MYO18B: variants seen among roughly 807,000 people sequenced by gnomAD.
The protein encoded by MYO18B is unconventional myosin-XVIIIb.
MYO18B carries 204 observed loss-of-function variants against 273.0 expected under a neutral mutation model. The ratio of observed to expected loss-of-function variants is 0.75; its 90% confidence interval spans 0.67 to 0.84. The LOEUF (loss-of-function observed/expected upper bound fraction) is 0.84. Ranked by LOEUF, MYO18B falls within the 40% of genes least tolerant of loss-of-function variation. The pLI is 0.00. For missense variants in MYO18B, 3,212 were observed against 3,287.6 expected (o/e 0.98, Z 0.56); for synonymous variants, 1,330 against 1,305.7 (o/e 1.02, Z -0.40).
chr22:25,962,166 T>C (rs572918676), intron 39 of MYO18B, among the ~76,000 whole-genome samples: 2 of 152,348 alleles, frequency 1.3e-5, no homozygotes, highest in South Asian at 4.1e-4. Context: ...TGTTACTCCT[T>C]GATTCACCGC....
chr22:25,757,016 G>A lies in MYO18B; in HGVS notation c.-109-3968G>A, dbSNP rs143901708. On this transcript the variant is annotated intron_variant, in intron 1 of 43. Coordinates refer to ENST00000335473, the MANE Select transcript of MYO18B (RefSeq NM_032608.7). ...ATGGAGGTTGCAGTGAGCCGAGATCGTGCCACTGCTCTCCGACTTGGGCAA... is the reference window on the plus strand; with the variant it reads ...ATGGAGGTTGCAGTGAGCCGAGATCATGCCACTGCTCTCCGACTTGGGCAA... Among the ~76,000 whole-genome samples, 22 of 152,230 alleles carry A rather than the reference G, an allele frequency of 1.4e-4. No individual in the cohort carries two copies. The East Asian group carries it at 4.2e-3, about 29-fold the overall frequency.
intron 29 of MYO18B, 122 bp downstream of exon 29, chr22:25,898,583 T>C (rs1257077938): frequency 4.9e-6 from 5 of 1,029,958 alleles, no homozygotes; most frequent in Non-Finnish European, 7.1e-6. Context: ...TGCTCTAATC[T>C]TCCTCCCTGT....
intron 12 of MYO18B, among the ~76,000 whole-genome samples, chr22:25,822,106 C>A (rs926572651): frequency 6.6e-6 from 1 of 152,182 alleles, no homozygotes; most frequent in African/African-American, 2.4e-5. Context: ...TCCATTGATT[C>A]TTTAATCCCG....
intron 20 of MYO18B, among the ~76,000 whole-genome samples, chr22:25,851,014 G>A (rs1467387880): frequency 6.6e-6 from 1 of 152,200 alleles, no homozygotes; most frequent in East Asian, 1.9e-4. Context: ...ACTGCCCAAT[G>A]CAGCATGCTT....
intron 18 of MYO18B, among the ~76,000 whole-genome samples, chr22:25,845,301 G>A (rs1005013385): frequency 1.3e-5 from 2 of 152,180 alleles, no homozygotes; most frequent in African/African-American, 4.8e-5. Context: ...GGCAGATCAC[G>A]AGGTCAAGAG....
Position 25,826,465 on chromosome 22 carries a change from G to A in MYO18B, c.2752G>A (p.Glu918Lys), listed in dbSNP as rs201350841. The change falls in exon 14 of 44, where the codon GAA becomes AAA. Residue 918 changes from glutamate (E) to lysine (K), a missense_variant. Glu to Lys is a moderately conservative substitution (Grantham distance 56). Transcript: ENST00000335473. Reference protein sequence around the residue: ...VEGMASGLYQELFAAVVSLIN... With the variant: ...VEGMASGLYQKLFAAVVSLIN... ...GGGGATGGCCTCGGGCCTGTACCAG[G>A]AACTCTTTGCGGCTGTGGTCTCACT... 87 of 1,613,738 alleles carry A rather than the reference G, an allele frequency of 5.4e-5. No individual in the cohort carries two copies. The highest frequency in any genetic ancestry group is 7.0e-5 in the Non-Finnish European group (82 of 1,179,788).
At position 25,973,617 on chromosome 22, in the gene MYO18B, T is replaced by C. The variant is rs1187018664; in HGVS notation, c.6156+18253T>C. ...ACATTTAATTGAAGTGGAATAAAAT[T>C]TAAAATTCAGATCCTCGGTCACACC... On this transcript the variant is annotated intron_variant, in intron 39 of 43. Transcript: ENST00000335473. 3.9e-5 allele frequency among the ~76,000 whole-genome samples: 6 copies of C among 152,222 alleles called. No individual in the cohort carries two copies. The East Asian group carries it at 1.2e-3, about 29-fold the overall frequency.
chr22:25,979,620 G>T (rs1026723088), intron 39 of MYO18B, among the ~76,000 whole-genome samples: 1 of 152,152 alleles, frequency 6.6e-6, no homozygotes, highest in African/African-American at 2.4e-5. Context: ...TGAGGATGCT[G>T]CATCGGAAGT....
chr22:25,787,499 C>G (rs2087454001), intron 11 of MYO18B, among the ~76,000 whole-genome samples: 1 of 152,142 alleles, frequency 6.6e-6, no homozygotes, highest in Non-Finnish European at 1.5e-5. Flanking sequence ...TCTGCCCCGT[C>G]TTTGAACTCT....
intron 5 of MYO18B, among the ~76,000 whole-genome samples, chr22:25,770,389 C>A (rs951909724): frequency 6.6e-6 from 1 of 152,184 alleles, no homozygotes; most frequent in South Asian, 2.1e-4. Context: ...CTTCCTACGG[C>A]GTTCTTCGAG....
chr22:25,943,498 C>T (rs11704814), intron 34 of MYO18B, among the ~76,000 whole-genome samples: 48,040 of 151,926 alleles, frequency 0.32, 8,907 homozygotes, highest in Non-Finnish European at 0.43. Context: ...TAGCCCAGCT[C>T]ACAAGCCTCA....
intron 36 of MYO18B, among the ~76,000 whole-genome samples, chr22:25,949,970 A>T (rs1362022787): frequency 2.6e-5 from 4 of 152,196 alleles, no homozygotes; most frequent in Non-Finnish European, 2.9e-5. Flanking sequence ...ACGAATGCAG[A>T]GACTCAGGTG....
At chr22:26,060,789 C>A in the MYO18B span, among the ~76,000 whole-genome samples, 1 of 117,234 alleles carries the variant, frequency 8.5e-6, no homozygotes, top group African/African-American at 6.0e-5. Flanking sequence ...TACATATACA[C>A]ATATGCACAT....
chr22:26,057,353 T>G, the MYO18B span, among the ~76,000 whole-genome samples: 1 of 152,314 alleles, frequency 6.6e-6, no homozygotes, highest in East Asian at 1.9e-4. Flanking sequence ...ATGATTTTAT[T>G]GGGTGCTTAC....
At chr22:26,060,842 TATACAC>T in the MYO18B span, among the ~76,000 whole-genome samples, 2 of 108,820 alleles carry the variant, frequency 1.8e-5, no homozygotes, top group South Asian at 5.5e-4. Context: ...ATATACACAA[TATACAC>T]ATATACATAT....
chr22:25,800,786 G>A (rs954483089), intron 12 of MYO18B, among the ~76,000 whole-genome samples: 48 of 133,320 alleles, frequency 3.6e-4, no homozygotes, highest in African/African-American at 1.4e-3. Flanking sequence ...GGGGCAGAGT[G>A]GGGGGGCCCC....
At chr22:25,928,483 C>T (rs531567566) in intron 34 of MYO18B, among the ~76,000 whole-genome samples, 1 of 151,664 alleles carries the variant, frequency 6.6e-6, no homozygotes, top group East Asian at 1.9e-4. Context: ...GCTCTACCAG[C>T]AGCAACAGTT....
intron 42 of MYO18B, among the ~76,000 whole-genome samples, chr22:26,005,166 G>A (rs1300262319): frequency 6.6e-6 from 1 of 152,174 alleles, no homozygotes; most frequent in Non-Finnish European, 1.5e-5. Context: ...AAATAGCACA[G>A]GGTGAACATT....
the MYO18B span, among the ~76,000 whole-genome samples, chr22:26,054,733 T>G: frequency 6.6e-6 from 1 of 152,092 alleles, no homozygotes; most frequent in African/African-American, 2.4e-5. Flanking sequence ...GAGCTACTGT[T>G]TATAGAGACG....
Sources: gnomAD v4.1 joint callset for allele counts (sites outside exome capture counted in the v4.1 genomes callset) on GRCh38, gnomAD v4.1.1 for gene constraint, MANE v1.5 for transcripts, NCBI Gene and HGNC (gene_info 2026-07-23, HGNC 2026-07-21) for gene names.